The following DOC2B variants were observed in gnomAD, a reference collection of about 807,000 sequenced individuals.
The protein encoded by DOC2B is double C2 domain beta.
Under a neutral mutation model 28.9 loss-of-function variants are expected in DOC2B, and 21 were observed. The observed-to-expected ratio is 0.73, with a 90% CI of 0.52 to 1.05. The LOEUF (loss-of-function observed/expected upper bound fraction) is 1.05. Among genes scored for constraint, DOC2B ranks in the 50% least tolerant of loss-of-function variants. The pLI, the probability that DOC2B is intolerant of heterozygous loss-of-function variation, is 0.00. For missense variants in DOC2B, 384 were observed against 421.1 expected, an observed-to-expected ratio of 0.91 and a Z score of 0.77; for synonymous variants, 194 against 178.1, an observed-to-expected ratio of 1.09 and a Z score of -0.71.
chr17:157,270 G>A (rs1276986088), intron 5 of DOC2B, among the ~76,000 whole-genome samples: 1 of 152,154 alleles, frequency 6.6e-6, no homozygotes, highest in Admixed American at 6.5e-5. Flanking sequence ...ACCCTCCTCT[G>A]ACCTCCTCAG....
Position 176,199 on chromosome 17 carries a change from G to GTT in DOC2B, c.374-3585_374-3584dup, listed in dbSNP as rs74476405. ...CTTAAAGCCTACTGGCTCCCAAGAA[G>GTT]TTTTTTTTTTTTGAGACAGGGTCTT... is the stretch of plus-strand genomic sequence containing the variant. On this transcript the variant is annotated intron_variant, in intron 1 of 8. Transcript: ENST00000613549. Among the ~76,000 whole-genome samples, 27 of 146,178 alleles carry GTT rather than the reference G, an allele frequency of 1.8e-4. 1 individual carries two copies. In the East Asian group the frequency reaches 2.4e-3, roughly 13 times the overall value.
At chr17:177,477 G>A (rs78261775) in intron 1 of DOC2B, among the ~76,000 whole-genome samples, 4 of 151,982 alleles carry the variant, frequency 2.6e-5, no homozygotes, top group Admixed American at 1.3e-4. Context: ...GTCCCTCTGC[G>A]AAGAGCACCT....
chr17:149,252 G>A (rs1302980006), intron 6 of DOC2B, 60 bp from the exon 7 acceptor site: 2 of 398,928 alleles, frequency 5.0e-6, no homozygotes, highest in Non-Finnish European at 8.8e-6. Context: ...TATAGATCAA[G>A]CCAGCAGGTA....
At chr17:178,868 C>A (rs2040399465) in intron 1 of DOC2B, among the ~76,000 whole-genome samples, 1 of 152,218 alleles carries the variant, frequency 6.6e-6, no homozygotes, top group South Asian at 2.1e-4. Context: ...TGGCTTGAAT[C>A]ATTGAGGCTT....
intron 2 of DOC2B, among the ~76,000 whole-genome samples, chr17:171,931 GGGGCCGGGC>G (rs2040315469): frequency 7.2e-6 from 1 of 138,618 alleles, no homozygotes; most frequent in Non-Finnish European, 1.6e-5. Context: ...GGGAGCACCA[GGGGCCGGGC>G]CAGGCTGCAG....
chr17:179,779 GC>G (rs11356718), intron 1 of DOC2B, among the ~76,000 whole-genome samples: 95,958 of 151,308 alleles, frequency 0.63, 30,956 homozygotes, highest in East Asian at 0.81. Flanking sequence ...CAGCCCCCAC[GC>G]CCCAGGGCAG....
At chr17:148,776 C>T (rs1222758871) in intron 7 of DOC2B, among the ~76,000 whole-genome samples, 5 of 152,238 alleles carry the variant, frequency 3.3e-5, no homozygotes, top group Middle Eastern at 3.4e-3. Context: ...CCGCCTTGGG[C>T]GGAAGACTTC....
intron 1 of DOC2B, among the ~76,000 whole-genome samples, chr17:175,174 G>A (rs541434486): frequency 6.6e-4 from 100 of 152,322 alleles, no homozygotes; most frequent in African/African-American, 2.4e-3. Context: ...GGAAGTTGAG[G>A]CTACAGTGAG....
In DOC2B at chr17:181,444, G is replaced by T; in HGVS notation, c.36C>A (p.Ile12=). The T allele has an allele frequency of 1.7e-6, 2 of 1,160,452 alleles. No homozygotes were observed. Among genetic ancestry groups the T allele is most frequent in the Non-Finnish European group, 1.1e-6 (1 of 928,756 alleles). 71.9% of individuals were successfully genotyped at this position (1,160,452 alleles called of 1,614,324 possible). A position where few individuals can be genotyped will look rare whatever the true frequency, so the allele number is the denominator to read the frequency against. ...TLRRRGEKAT[I]SIQEHMAIDV... ...CGATGGCCATATGCTCCTGGATGCT[G>T]ATGGTCGCCTTCTCCCCGCGCCGCC... The change falls in exon 1 of 9, where the codon ATC becomes ATA. Residue 12 remains isoleucine (I), a synonymous_variant. Transcript: ENST00000613549. This position sits in a 1 kb window ranked among gnomAD's most constrained non-coding sequence, Gnocchi z 7.0.
rs539655584 is a variant in DOC2B at position 174,398 on chromosome 17, T to C, written c.374-1782A>G. ...GTAGGAGGTGCTCAGTAGATCATTA[T>C]AGAAGGAGCAGATCCCTATGGTGGG... On this transcript the variant is annotated intron_variant, in intron 1 of 8. Coordinates refer to ENST00000613549, the MANE Select transcript of DOC2B (RefSeq NM_003585.5). Among the ~76,000 whole-genome samples the C allele has an allele frequency of 9.2e-5, 14 of 152,306 alleles. No homozygotes were observed. The South Asian group carries it at 1.4e-3, about 16-fold the overall frequency.
intron 2 of DOC2B, among the ~76,000 whole-genome samples, chr17:169,966 A>G (rs1370487521): frequency 1.3e-5 from 2 of 152,328 alleles, no homozygotes; most frequent in East Asian, 3.9e-4. Flanking sequence ...ATGTACACAC[A>G]GAGACACACA....
In DOC2B at chr17:152,121, C is replaced by T. The variant is rs1045095660; in HGVS notation, c.924-2929G>A. Among the ~76,000 whole-genome samples, 285 of 152,254 alleles carry T rather than the reference C, an allele frequency of 1.9e-3. 2 individuals carry two copies. Among genetic ancestry groups the T allele is most frequent in the Non-Finnish European group, 3.7e-4 (25 of 68,016 alleles). On this transcript the variant is annotated intron_variant, in intron 6 of 8. Coordinates refer to ENST00000613549, the MANE Select transcript of DOC2B (RefSeq NM_003585.5). Reference sequence around the variant, plus strand: ...CCTGTGCCGTGTACCTCTGAGCCCTCTGCACAGTGCCTTCTGCTTGCCTGT... The same window carrying T: ...CCTGTGCCGTGTACCTCTGAGCCCTTTGCACAGTGCCTTCTGCTTGCCTGT...
At chr17:176,919 C>T (rs1383572986) in intron 1 of DOC2B, among the ~76,000 whole-genome samples, 2 of 152,268 alleles carry the variant, frequency 1.3e-5, no homozygotes, top group East Asian at 3.9e-4. Flanking sequence ...GTTGGCTCCT[C>T]TAAGGCCGAG....
intron 2 of DOC2B, among the ~76,000 whole-genome samples, chr17:164,412 G>A (rs1009053823): frequency 3.9e-5 from 6 of 152,112 alleles, no homozygotes; most frequent in African/African-American, 1.4e-4. Flanking sequence ...TCCTGGCCCA[G>A]GGCAGCTGTC....
intron 6 of DOC2B, among the ~76,000 whole-genome samples, chr17:152,975 G>C (rs2040088339): frequency 6.6e-6 from 1 of 152,080 alleles, no homozygotes; most frequent in African/African-American, 2.4e-5. Flanking sequence ...TATTTCCTCT[G>C]CTTTAGTGAG....
intron 1 of DOC2B, among the ~76,000 whole-genome samples, chr17:177,709 T>C (rs2040386845): frequency 6.6e-6 from 1 of 152,274 alleles, no homozygotes; most frequent in Non-Finnish European, 1.5e-5. Context: ...ACACAGAGCC[T>C]GCCACATAGT....
Position 181,304 on chromosome 17 carries a change from G to A in DOC2B, c.176C>T (p.Pro59Leu). 8.5e-7 allele frequency: 1 copy of A among 1,178,352 alleles called. No individual in the cohort carries two copies. Among genetic ancestry groups the A allele is most frequent in the Non-Finnish European group, 1.0e-6 (1 of 953,944 alleles). 73.0% of individuals were successfully genotyped at this position (1,178,352 alleles called of 1,614,324 possible). A position where few individuals can be genotyped will look rare whatever the true frequency, so the allele number is the denominator to read the frequency against. The change falls in exon 1 of 9, where the codon CCC (proline) becomes CTC (leucine). Residue 59 changes from proline to leucine, a missense_variant. Coordinates refer to ENST00000613549, the MANE Select transcript of DOC2B (RefSeq NM_003585.5). The surrounding 1 kb of genome is among the most constrained non-coding windows in gnomAD (Gnocchi z 7.0). Reference sequence around the variant, plus strand: ...GGCACCGGCCACAGCCGGGCGCGCGGGGGCGTCCGGGGGTGCAGCGGCTCG... The same window carrying A: ...GGCACCGGCCACAGCCGGGCGCGCGAGGGCGTCCGGGGGTGCAGCGGCTCG... ...GPRAAAPPDA[P>L]ARPAVAGAGR...
At chr17:158,632 TG>T (rs2040163293) in intron 5 of DOC2B, among the ~76,000 whole-genome samples, 2 of 152,336 alleles carry the variant, frequency 1.3e-5, no homozygotes, top group South Asian at 4.1e-4. Flanking sequence ...CCATTCCTGG[TG>T]GATCAGGCCA....
chr17:176,396 G>GGA (rs10664153), intron 1 of DOC2B, among the ~76,000 whole-genome samples: 89,620 of 151,224 alleles, frequency 0.59, 27,526 homozygotes, highest in East Asian at 0.86. Flanking sequence ...GTTGGTGCGG[G>GGA]GGGTGCGGGG....
Sources: allele counts gnomAD v4.1 joint callset (sites outside exome capture counted in the v4.1 genomes callset), GRCh38; gene constraint gnomAD v4.1.1; non-coding constraint Gnocchi (gnomAD v3.1); transcripts MANE v1.5; gene names NCBI Gene and HGNC (gene_info 2026-07-23, HGNC 2026-07-21).